Variants in LOC128092253 observed in about 807,000 individuals in gnomAD.
the LOC128092253 span, among the ~76,000 whole-genome samples, chr6:133,955,884 CAT>C: frequency 6.6e-6 from 1 of 152,180 alleles, no homozygotes; most frequent in Admixed American, 6.5e-5. Context: ...TTATTCTTAA[CAT>C]AGAAAATTGT....
the LOC128092253 span, among the ~76,000 whole-genome samples, chr6:133,958,314 G>C: frequency 2.6e-5 from 4 of 152,168 alleles, no homozygotes; most frequent in African/African-American, 9.7e-5. Context: ...TTAGTTGATG[G>C]TAAACTTGAA....
the LOC128092253 span, among the ~76,000 whole-genome samples, chr6:133,963,307 A>G: frequency 6.6e-6 from 1 of 152,202 alleles, no homozygotes; most frequent in South Asian, 2.1e-4. Flanking sequence ...CTGACTACCC[A>G]TTAGAAACAT....
At chr6:133,962,616 G>C in the LOC128092253 span, among the ~76,000 whole-genome samples, 2 of 152,172 alleles carry the variant, frequency 1.3e-5, no homozygotes, top group African/African-American at 4.8e-5. Context: ...ATAGATGATT[G>C]GGAATATGGA....
At chr6:133,963,060 A>G in the LOC128092253 span, among the ~76,000 whole-genome samples, 1 of 152,322 alleles carries the variant, frequency 6.6e-6, no homozygotes, top group Non-Finnish European at 1.5e-5. Flanking sequence ...GAATTCAGCA[A>G]TGAGCCATTC....
At chr6:133,959,510 CT>C in the LOC128092253 span, among the ~76,000 whole-genome samples, 4 of 152,050 alleles carry the variant, frequency 2.6e-5, no homozygotes, top group Non-Finnish European at 5.9e-5. Context: ...GAGATGGAGT[CT>C]CACTCTGTCG....
chr6:133,973,652 C>CA, the LOC128092253 span, among the ~76,000 whole-genome samples: 1 of 152,094 alleles, frequency 6.6e-6, no homozygotes, highest in Non-Finnish European at 1.5e-5. Flanking sequence ...GAAAGAGGAC[C>CA]AAAAATACAG....
the LOC128092253 span, among the ~76,000 whole-genome samples, chr6:133,954,808 C>T: frequency 2.0e-4 from 31 of 152,278 alleles, no homozygotes; most frequent in African/African-American, 6.5e-4. Flanking sequence ...TACCCTCTGC[C>T]CTCAAAATCA....
At chr6:133,969,235 T>C in the LOC128092253 span, among the ~76,000 whole-genome samples, 1 of 150,820 alleles carries the variant, frequency 6.6e-6, no homozygotes, top group Non-Finnish European at 1.5e-5. Flanking sequence ...TGTCATTGAC[T>C]GAACCATAAA....
chr6:133,955,974 A>G, the LOC128092253 span, among the ~76,000 whole-genome samples: 1 of 152,248 alleles, frequency 6.6e-6, no homozygotes, highest in Non-Finnish European at 1.5e-5. Context: ...TATGAAACAT[A>G]TAGCTGAATG....
chr6:133,963,245 A>G, the LOC128092253 span, among the ~76,000 whole-genome samples: 3 of 152,310 alleles, frequency 2.0e-5, no homozygotes, highest in African/African-American at 7.2e-5. Context: ...GGAGAGGGAA[A>G]TTCCATTATT....
chr6:133,954,523 C>G, the LOC128092253 span, among the ~76,000 whole-genome samples: 2 of 152,178 alleles, frequency 1.3e-5, no homozygotes, highest in Admixed American at 6.5e-5. Context: ...GTTTATGTTA[C>G]CTCTTTAGTC....
chr6:133,964,184 A>G, the LOC128092253 span, among the ~76,000 whole-genome samples: 7 of 152,290 alleles, frequency 4.6e-5, no homozygotes, highest in East Asian at 1.2e-3. Context: ...CTCACAGACC[A>G]TAATTTCAGG....
chr6:133,968,643 A>C, the LOC128092253 span, among the ~76,000 whole-genome samples: 2 of 151,986 alleles, frequency 1.3e-5, no homozygotes, highest in Admixed American at 1.3e-4. Flanking sequence ...ATTACAATTG[A>C]TGTCTACTGT....
chr6:133,965,351 A>G, the LOC128092253 span, among the ~76,000 whole-genome samples: 2 of 152,248 alleles, frequency 1.3e-5, no homozygotes, highest in Non-Finnish European at 2.9e-5. Context: ...TTTAAATGAA[A>G]TGAACATCAT....
the LOC128092253 span, among the ~76,000 whole-genome samples, chr6:133,976,986 A>G: frequency 6.6e-6 from 1 of 152,026 alleles, no homozygotes; most frequent in Non-Finnish European, 1.5e-5. Flanking sequence ...AAAAAAAGAA[A>G]AAAAAGAAAT....
the LOC128092253 span, among the ~76,000 whole-genome samples, chr6:133,956,794 T>A: frequency 6.6e-6 from 1 of 152,198 alleles, no homozygotes; most frequent in Non-Finnish European, 1.5e-5. Flanking sequence ...TCTAACCAAT[T>A]CAAACAATAA....
At chr6:133,955,076 C>G in the LOC128092253 span, among the ~76,000 whole-genome samples, 43 of 151,958 alleles carry the variant, frequency 2.8e-4, no homozygotes, top group Admixed American at 6.6e-5. Context: ...GAATCAAAGA[C>G]TGTTGCTTAA....
At chr6:133,960,418 C>CTTTTTTTTTT in the LOC128092253 span, among the ~76,000 whole-genome samples, 3 of 131,592 alleles carry the variant, frequency 2.3e-5, no homozygotes, top group African/African-American at 2.8e-5. Flanking sequence ...GCTGACCAGC[C>CTTTTTTTTTT]TTTTTTTTTT....
the LOC128092253 span, among the ~76,000 whole-genome samples, chr6:133,954,255 C>T: frequency 6.6e-6 from 1 of 152,222 alleles, no homozygotes; most frequent in Admixed American, 6.5e-5. Flanking sequence ...GCAGTAAGTG[C>T]ATGAGCTTCT....
Sources: allele counts gnomAD v4.1 joint callset (sites outside exome capture counted in the v4.1 genomes callset), GRCh38; gene constraint gnomAD v4.1.1; transcripts MANE v1.5.